IGF1: variants seen among roughly 807,000 people sequenced by gnomAD.
IGF1 encodes the protein insulin like growth factor 1.
In IGF1, 4 loss-of-function variants were observed where a neutral mutation model predicts 13.8. The observed-to-expected ratio is 0.29, with a 90% CI of 0.14 to 0.66. The LOEUF (loss-of-function observed/expected upper bound fraction) is 0.66, where lower values mean the gene tolerates loss of function less well. Ranked by LOEUF, IGF1 falls within the 30% of genes least tolerant of loss-of-function variation. The probability of loss-of-function intolerance (pLI) is 0.78; values close to 1 mark genes in which losing one functional copy is unlikely to be tolerated. For synonymous variants in IGF1, 76 were observed against 72.6 expected, an observed-to-expected ratio of 1.05 and a Z score of -0.23; for missense variants, 124 against 188.5, an observed-to-expected ratio of 0.66 and a Z score of 2.00.
At chr12:102,424,048 A>G (rs972311648) in intron 2 of IGF1, among the ~76,000 whole-genome samples, 11 of 152,176 alleles carry the variant, frequency 7.2e-5, no homozygotes, top group Non-Finnish European at 1.5e-4. Flanking sequence ...TATTTTAACT[A>G]TTTCAACTCT....
At chr12:102,454,789 G>A (rs901941500) in intron 2 of IGF1, among the ~76,000 whole-genome samples, 3 of 152,210 alleles carry the variant, frequency 2.0e-5, no homozygotes, top group African/African-American at 7.2e-5. Flanking sequence ...CCAAATATTT[G>A]GGAATGCAGG....
rs766707179 is a variant in IGF1, at chr12:102,475,701, G to A, written c.162C>T (p.Cys54=). ...SSATAGPETL[C]GAELVDALQF... The stretch of plus-strand genomic sequence containing the variant: ...GAAGAGCATCCACCAGCTCAGCCCC[G>A]CAGAGCGTCTCCGGTCCAGCCGTGG... Residue 54 remains cysteine (C), a synonymous_variant, in exon 2 of 4, where the codon TGC becomes TGT. Transcript: ENST00000337514. 8.1e-6 allele frequency: 13 copies of A among 1,614,050 alleles called. No individual in the cohort carries two copies. Among genetic ancestry groups the A allele is most frequent in the South Asian group, 4.4e-5 (4 of 91,078 alleles).
intron 3 of IGF1, among the ~76,000 whole-genome samples, chr12:102,410,582 A>G (rs1039629293): frequency 2.0e-5 from 3 of 152,150 alleles, no homozygotes; most frequent in Non-Finnish European, 4.4e-5. Context: ...CTGACATACA[A>G]TTTATGCTAG....
intron 2 of IGF1, among the ~76,000 whole-genome samples, chr12:102,471,563 C>G (rs949255487): frequency 1.3e-5 from 2 of 152,138 alleles, no homozygotes; most frequent in Admixed American, 1.3e-4. Context: ...TCTGTTTTAA[C>G]CCATGAAGAA....
chr12:102,440,490 C>A (rs1877621589), intron 2 of IGF1, among the ~76,000 whole-genome samples: 2 of 152,232 alleles, frequency 1.3e-5, no homozygotes, highest in Non-Finnish European at 2.9e-5. Flanking sequence ...CCAAATGATT[C>A]TCTCCAGGTA....
intron 2 of IGF1, among the ~76,000 whole-genome samples, chr12:102,431,198 G>A (rs991262417): frequency 3.9e-5 from 6 of 152,164 alleles, no homozygotes; most frequent in African/African-American, 1.4e-4. Context: ...GCTTAGTTAA[G>A]TTCTCTAACG....
At chr12:102,419,724 G>T in intron 2 of IGF1, 34 bp from the exon 3 acceptor site, 1 of 1,604,104 alleles carries the variant, frequency 6.2e-7, no homozygotes, top group Non-Finnish European at 8.5e-7. Context: ...CTCATGTTAG[G>T]GTGCAATCTG....
Position 102,419,774 on chromosome 12 carries a change from A to G in IGF1, c.221-84T>C. On this transcript the variant is annotated intron_variant, in intron 2 of 3. Coordinates refer to ENST00000337514, the MANE Select transcript of IGF1 (RefSeq NM_000618.5). ...CCACCCAGCTCCTGCCTCTCCCCACAGCTAGTCAACCTACATATTCTGCAA... is the reference window on the plus strand; with the variant it reads ...CCACCCAGCTCCTGCCTCTCCCCACGGCTAGTCAACCTACATATTCTGCAA... The G allele has an allele frequency of 5.9e-6, 8 of 1,349,128 alleles. No individual in the cohort carries two copies. In the South Asian group the frequency reaches 9.6e-5, roughly 16 times the overall value. The allele number at this position is 1,349,128 out of a possible 1,614,324, so 83.6% of individuals were successfully genotyped here.
chr12:102,417,699 C>G, intron 3 of IGF1: 1 of 1,520,748 alleles, frequency 6.6e-7, no homozygotes, highest in Non-Finnish European at 8.7e-7. Flanking sequence ...ATCACATCAT[C>G]ATCTAGCTCC....
At chr12:102,448,257 C>T (rs1350523998) in intron 2 of IGF1, among the ~76,000 whole-genome samples, 1 of 148,294 alleles carries the variant, frequency 6.7e-6, no homozygotes, top group Non-Finnish European at 1.5e-5. Flanking sequence ...TATTGCGGCA[C>T]TATTCACAAT....
At chr12:102,454,552 T>C (rs1879225926) in intron 2 of IGF1, among the ~76,000 whole-genome samples, 1 of 152,210 alleles carries the variant, frequency 6.6e-6, no homozygotes. Context: ...CTGAAGGCCA[T>C]TGCCACCTTT....
In IGF1 at chr12:102,400,442, A is replaced by G. The variant is rs1444724455; in HGVS notation, c.*2065T>C. 2 of 152,170 alleles carry G rather than the reference A, an allele frequency of 1.3e-5. No homozygotes were observed. Among genetic ancestry groups the G allele is most frequent in the Non-Finnish European group, 2.9e-5 (2 of 68,032 alleles). 9.4% of individuals were successfully genotyped at this position (152,170 alleles called of 1,614,324 possible). Reference sequence around the variant, plus strand: ...ATTTTCAGTTGAATGGATAAAACACATTCACAGAGAGCTAGGGGCTACCCT... The same window carrying G: ...ATTTTCAGTTGAATGGATAAAACACGTTCACAGAGAGCTAGGGGCTACCCT... On this transcript the variant is annotated 3_prime_UTR_variant, in exon 4 of 4. Coordinates refer to ENST00000337514, the MANE Select transcript of IGF1 (RefSeq NM_000618.5).
At chr12:102,455,807 T>A (rs974964635) in intron 2 of IGF1, among the ~76,000 whole-genome samples, 1 of 152,158 alleles carries the variant, frequency 6.6e-6, no homozygotes, top group African/African-American at 2.4e-5. Context: ...GCAGTCAGCT[T>A]GGATGGGAAG....
chr12:102,437,235 C>G (rs1049032749), intron 2 of IGF1, among the ~76,000 whole-genome samples: 7 of 152,206 alleles, frequency 4.6e-5, no homozygotes, highest in African/African-American at 1.7e-4. Flanking sequence ...CTAGCAGTCT[C>G]TCATGCAACG....
chr12:102,440,510 G>A (rs991744664), intron 2 of IGF1, among the ~76,000 whole-genome samples: 1 of 152,198 alleles, frequency 6.6e-6, no homozygotes, highest in Non-Finnish European at 1.5e-5. Context: ...AGTGCGGCTG[G>A]TTCTTTTTCC....
chr12:102,399,780 G>A lies in IGF1; in HGVS notation c.*2727C>T, dbSNP rs1873526886. The A allele has an allele frequency of 6.6e-6, 1 of 152,142 alleles. No individual in the cohort carries two copies. Among genetic ancestry groups the A allele is most frequent in the East Asian group, 1.9e-4 (1 of 5,196 alleles). The allele number at this position is 152,142 out of a possible 1,614,324, so 9.4% of individuals were successfully genotyped here. On this transcript the variant is annotated 3_prime_UTR_variant, in exon 4 of 4. Transcript: ENST00000337514. ...TCTTAGAATTATCACATCTAACTATGACAGAAAACACGTTAAGTCTGCAGA... is the reference window on the plus strand; with the variant it reads ...TCTTAGAATTATCACATCTAACTATAACAGAAAACACGTTAAGTCTGCAGA...
At chr12:102,448,196 C>T (rs1370611942) in intron 2 of IGF1, among the ~76,000 whole-genome samples, 2 of 148,632 alleles carry the variant, frequency 1.3e-5, no homozygotes, top group Non-Finnish European at 3.0e-5. Flanking sequence ...TGGGTATATA[C>T]CCAAAGGACT....
At chr12:102,419,798 A>C in intron 2 of IGF1, 108 bp from the exon 3 acceptor site, 1 of 1,062,116 alleles carries the variant, frequency 9.4e-7, no homozygotes, top group Admixed American at 1.9e-5. Context: ...CATATTCTGC[A>C]ATGTCTCAAC....
At chr12:102,473,936 C>T (rs1468873996) in intron 2 of IGF1, among the ~76,000 whole-genome samples, 1 of 152,070 alleles carries the variant, frequency 6.6e-6, no homozygotes, top group East Asian at 1.9e-4. Context: ...AATTCTGGAG[C>T]AATGTCGTGT....
Sources: allele counts gnomAD v4.1 joint callset (sites outside exome capture counted in the v4.1 genomes callset), GRCh38; gene constraint gnomAD v4.1.1; transcripts MANE v1.5; gene names NCBI Gene and HGNC (gene_info 2026-07-23, HGNC 2026-07-21).